GSPT1: variants seen among roughly 807,000 people sequenced by gnomAD.
GSPT1 encodes G1 to S phase transition 1, also known as eukaryotic peptide chain release factor GTP-binding subunit ERF3A.
GSPT1 carries 20 observed loss-of-function variants against 72.5 expected under a neutral mutation model. The ratio of observed to expected loss-of-function variants is 0.28; its 90% CI spans 0.19 to 0.40. The LOEUF is 0.40. Among genes scored for constraint, GSPT1 ranks in the 10% least tolerant of loss-of-function variants. GSPT1 has a pLI of 1.00. For missense variants in GSPT1, 580 were observed against 811.9 expected (o/e 0.71, Z 3.47); for synonymous variants, 334 against 293.5 (o/e 1.14, Z -1.41).
intron 6 of GSPT1, among the ~76,000 whole-genome samples, chr16:11,890,230 G>T (rs1421661298): frequency 6.6e-6 from 1 of 152,174 alleles, no homozygotes; most frequent in East Asian, 1.9e-4. Flanking sequence ...AAAGTGCTGA[G>T]ATTACAGGCT....
At chr16:11,904,395 G>C (rs34913195) in intron 1 of GSPT1, among the ~76,000 whole-genome samples, 4,887 of 151,966 alleles carry the variant, frequency 0.032, 223 homozygotes, top group African/African-American at 0.1. Context: ...GTAGAGATGG[G>C]GTTTCACCAT....
chr16:11,880,854 G>A (rs1398566624), intron 11 of GSPT1, among the ~76,000 whole-genome samples: 2 of 152,120 alleles, frequency 1.3e-5, no homozygotes, highest in Admixed American at 6.5e-5. Flanking sequence ...CTCTCATTCC[G>A]TAGGTTGCCA....
intron 1 of GSPT1, among the ~76,000 whole-genome samples, chr16:11,901,068 G>A (rs926797136): frequency 3.9e-5 from 6 of 152,188 alleles, no homozygotes; most frequent in Admixed American, 1.3e-4. Flanking sequence ...CAGCTGCTCC[G>A]GGGGCTGAGC....
At chr16:11,875,439 T>C (rs2054036815) in intron 14 of GSPT1, among the ~76,000 whole-genome samples, 1 of 152,116 alleles carries the variant, frequency 6.6e-6, no homozygotes, top group Non-Finnish European at 1.5e-5. Flanking sequence ...TCAATCTCTA[T>C]GTTCCTTTTA....
intron 1 of GSPT1, among the ~76,000 whole-genome samples, chr16:11,912,742 T>C (rs907312440): frequency 6.6e-6 from 1 of 152,234 alleles, no homozygotes; most frequent in Non-Finnish European, 1.5e-5. Context: ...TAATATACAT[T>C]AAGCCTTGTC....
chr16:11,881,223 C>A (rs2054118588), intron 11 of GSPT1: 1 of 152,160 alleles, frequency 6.6e-6, no homozygotes, highest in African/African-American at 2.4e-5. Context: ...ACTATTCTAG[C>A]TCTGTTCCAC....
At position 11,874,505 on chromosome 16, in the gene GSPT1, GA is replaced by G. The variant is rs528326793; in HGVS notation, c.1861+1255del. The stretch of plus-strand genomic sequence containing the variant: ...TTTTTAAAGCCAAGTTAGCTTTTAG[GA>G]AAAAATAATTCTAGGGTTAAGAATT... On this transcript the variant is annotated intron_variant, in intron 14 of 14. Transcript: ENST00000434724. 7.1e-4 allele frequency among the ~76,000 whole-genome samples: 94 copies of G among 133,326 alleles called. 1 individual carries two copies. Among genetic ancestry groups the G allele is most frequent in the South Asian group, 2.7e-3 (11 of 4,150 alleles). The allele number at this position is 133,326 out of a possible 152,430, so 87.5% of individuals were successfully genotyped here.
chr16:11,871,717 T>A lies in GSPT1; in HGVS notation c.*1402A>T, dbSNP rs2053982012. 1 of 152,132 alleles carries A rather than the reference T, an allele frequency of 6.6e-6. No individual in the cohort carries two copies. The highest frequency in any genetic ancestry group is 1.5e-5 in the Non-Finnish European group (1 of 68,028). 9.4% of individuals were successfully genotyped at this position (152,132 alleles called of 1,614,324 possible). On this transcript the variant is annotated 3_prime_UTR_variant, in exon 15 of 15. Transcript: ENST00000434724. ...TATCTTATTTAGAGAGAAATCACAA[T>A]CTAAAAGAGGCTATCTTTGATCAAT...
intron 5 of GSPT1, among the ~76,000 whole-genome samples, chr16:11,894,748 T>C (rs116855626): frequency 0.017 from 2,575 of 152,310 alleles, 34 homozygotes; most frequent in Middle Eastern, 0.082. Flanking sequence ...CCTTAGCCTC[T>C]CAAAATGCTG....
intron 1 of GSPT1, among the ~76,000 whole-genome samples, chr16:11,906,350 G>C (rs912364558): frequency 2.6e-5 from 4 of 152,184 alleles, no homozygotes; most frequent in Non-Finnish European, 5.9e-5. Context: ...GAGATGTTGG[G>C]CCAGCTGTGG....
chr16:11,877,941 G>T lies in GSPT1; in HGVS notation c.1429-361C>A, dbSNP rs2054068032. Among the ~76,000 whole-genome samples, 1 of 152,052 alleles carries T rather than the reference G, an allele frequency of 6.6e-6. No individual in the cohort carries two copies. The highest frequency in any genetic ancestry group is 1.5e-5 in the Non-Finnish European group (1 of 68,018). On this transcript the variant is annotated intron_variant, in intron 11 of 14. Coordinates refer to ENST00000434724, the MANE Select transcript of GSPT1 (RefSeq NM_002094.4). The surrounding 1 kb of genome is among the most constrained non-coding windows in gnomAD (Gnocchi z 4.0). ...TTTATTATTATGGAATTCTATGAAG[G>T]ATTTAATAAACCTGTCTTCTATTAC...
Position 11,872,854 on chromosome 16 carries a change from T to G in GSPT1, c.*265A>C, listed in dbSNP as rs1029870816. 14 of 370,864 alleles carry G rather than the reference T, an allele frequency of 3.8e-5. No homozygotes were observed. The highest frequency in any genetic ancestry group is 2.5e-4 in the Admixed American group (6 of 24,114). 23.0% of individuals were successfully genotyped at this position (370,864 alleles called of 1,614,324 possible). A position where few individuals can be genotyped will look rare whatever the true frequency, so the allele number is the denominator to read the frequency against. The stretch of plus-strand genomic sequence containing the variant: ...TTGTAGGCAATTATGTCCACATCAC[T>G]TACAAAGCTATTGCCAAATCTGTCC... On this transcript the variant is annotated 3_prime_UTR_variant, in exon 15 of 15. Transcript: ENST00000434724.
At chr16:11,875,363 A>G (rs2054034965) in intron 14 of GSPT1, among the ~76,000 whole-genome samples, 1 of 152,218 alleles carries the variant, frequency 6.6e-6, no homozygotes, top group Non-Finnish European at 1.5e-5. Context: ...AGAGGTAGGC[A>G]GAAATGGATG....
intron 7 of GSPT1, 130 bp from the exon 8 acceptor site, chr16:11,887,061 G>A (rs1052669079): frequency 6.2e-6 from 4 of 646,408 alleles, no homozygotes; most frequent in Non-Finnish European, 7.7e-6. Context: ...AAGCAAACGA[G>A]TTATGACGTA....
intron 6 of GSPT1, among the ~76,000 whole-genome samples, chr16:11,890,402 C>G (rs2054244102): frequency 6.6e-6 from 1 of 152,172 alleles, no homozygotes; most frequent in African/African-American, 2.4e-5. Context: ...CATATAAATT[C>G]AAACCATCCG....
chr16:11,883,711 G>A (rs1473008865), intron 10 of GSPT1, among the ~76,000 whole-genome samples: 2 of 151,478 alleles, frequency 1.3e-5, no homozygotes, highest in African/African-American at 4.9e-5. Flanking sequence ...TCAGGAAATC[G>A]AGCCCATCCT....
chr16:11,873,056 T>C lies in GSPT1; in HGVS notation c.*63A>G, dbSNP rs1378669887. On this transcript the variant is annotated 3_prime_UTR_variant, in exon 15 of 15. Coordinates refer to ENST00000434724, the MANE Select transcript of GSPT1 (RefSeq NM_002094.4). ...ATGGGCAGAAAATAAGAGAAGGCGG[T>C]GTGAAGTAGGCTTCTGCAGTCAATT... 2 of 853,518 alleles carry C rather than the reference T, an allele frequency of 2.3e-6. No homozygotes were observed. The highest frequency in any genetic ancestry group is 3.8e-6 in the Non-Finnish European group (2 of 520,414). 52.9% of individuals were successfully genotyped at this position (853,518 alleles called of 1,614,324 possible).
chr16:11,913,372 A>G (rs1451134602), intron 1 of GSPT1, among the ~76,000 whole-genome samples: 1 of 152,230 alleles, frequency 6.6e-6, no homozygotes, highest in Non-Finnish European at 1.5e-5. Context: ...TTGATTAAAA[A>G]CAAGAAAGTT....
At chr16:11,902,731 C>G (rs556833049) in intron 1 of GSPT1, among the ~76,000 whole-genome samples, 30 of 151,602 alleles carry the variant, frequency 2.0e-4, no homozygotes, top group Non-Finnish European at 3.8e-4. Flanking sequence ...GGACTATAGG[C>G]GTGTGCCACC....
Sources: allele counts gnomAD v4.1 joint callset (sites outside exome capture counted in the v4.1 genomes callset), GRCh38; gene constraint gnomAD v4.1.1; non-coding constraint Gnocchi (gnomAD v3.1); transcripts MANE v1.5; gene names NCBI Gene and HGNC (gene_info 2026-07-23, HGNC 2026-07-21).